The following DPP6 variants were observed in gnomAD, a reference collection of about 807,000 sequenced individuals.
The protein encoded by DPP6 is dipeptidyl peptidase like 6, also known as A-type potassium channel modulatory protein DPP6.
DPP6 carries 69 observed loss-of-function variants against 122.6 expected under a neutral mutation model. The observed-to-expected ratio is 0.56, with a 90% CI of 0.46 to 0.69. The LOEUF is 0.69. DPP6 is among the 30% of genes least tolerant of loss of function. DPP6 has a pLI of 0.00. For missense variants in DPP6, 928 were observed against 1,116.9 expected (o/e 0.83, Z 2.41); for synonymous variants, 418 against 433.1 (o/e 0.97, Z 0.43).
At chr7:154,283,222 G>C (rs1804641509) in intron 1 of DPP6, among the ~76,000 whole-genome samples, 2 of 152,148 alleles carry the variant, frequency 1.3e-5, no homozygotes, top group Admixed American at 6.5e-5. Context: ...GAAGCGAGTA[G>C]AGGCTGTAAG....
At chr7:153,758,359 A>C in the DPP6 span, among the ~76,000 whole-genome samples, 1 of 152,240 alleles carries the variant, frequency 6.6e-6, no homozygotes, top group Non-Finnish European at 1.5e-5. Context: ...TAATAAGTAC[A>C]TTGAGGTATA....
At chr7:153,954,134 C>T (rs1802346855) in intron 1 of DPP6, among the ~76,000 whole-genome samples, 1 of 152,204 alleles carries the variant, frequency 6.6e-6, no homozygotes, top group African/African-American at 2.4e-5. Flanking sequence ...GACCAAACAG[C>T]TGGGCACCAT....
At position 154,727,888 on chromosome 7, in the gene DPP6, G is replaced by T; in HGVS notation, c.883+1G>T. 1 of 1,609,160 alleles carries T rather than the reference G, an allele frequency of 6.2e-7. No homozygotes were observed. Among genetic ancestry groups the T allele is most frequent in the Non-Finnish European group, 8.5e-7 (1 of 1,177,404 alleles). ...GGCCTCAGTGACTGGCTGTATGAAG[G>T]TAAGATGTGCACAGAGAGAAAAAAG... On this transcript the variant is annotated splice_donor_variant, in intron 8 of 25. Transcript: ENST00000377770. LOFTEE classifies it high-confidence loss of function.
chr7:154,059,853 G>A lies in DPP6; in HGVS notation c.243+6790G>A, dbSNP rs554222415. 1.3e-4 allele frequency among the ~76,000 whole-genome samples: 20 copies of A among 151,214 alleles called. No individual in the cohort carries two copies. The East Asian group carries it at 1.4e-3, about 10-fold the overall frequency. On this transcript the variant is annotated intron_variant, in intron 1 of 25. Transcript: ENST00000377770. Reference sequence around the variant, plus strand: ...AAACAACTAGACAGGGTTGCTAAAGGATGGCCCCCCTATTTGACGGCCTTG... The same window carrying A: ...AAACAACTAGACAGGGTTGCTAAAGAATGGCCCCCCTATTTGACGGCCTTG...
chr7:154,308,483 G>T (rs1019242890), intron 1 of DPP6, among the ~76,000 whole-genome samples: 6 of 152,168 alleles, frequency 3.9e-5, no homozygotes, highest in Non-Finnish European at 7.4e-5. Flanking sequence ...ACCCAGAGAT[G>T]TTTGGAAGCA....
At chr7:154,511,578 C>T (rs6964455) in intron 3 of DPP6, among the ~76,000 whole-genome samples, 6 of 151,940 alleles carry the variant, frequency 3.9e-5, no homozygotes, top group Non-Finnish European at 7.4e-5. Context: ...AATGAGAAAG[C>T]AGCTGAAAGA....
chr7:154,883,571 C>T (rs1393895408), intron 21 of DPP6: 1 of 80,210 alleles, frequency 1.2e-5, no homozygotes, highest in African/African-American at 4.8e-5. Context: ...CATACACATA[C>T]ATGCTCACCC....
chr7:154,210,788 T>G (rs1799696823), intron 1 of DPP6, among the ~76,000 whole-genome samples: 1 of 151,296 alleles, frequency 6.6e-6, no homozygotes, highest in Admixed American at 6.6e-5. Flanking sequence ...AAGAGCAAGT[T>G]ATCTATGAGG....
At chr7:154,507,619 A>C (rs941445615) in intron 3 of DPP6, among the ~76,000 whole-genome samples, 23 of 152,194 alleles carry the variant, frequency 1.5e-4, no homozygotes, top group African/African-American at 5.3e-4. Flanking sequence ...TGATGTGAAC[A>C]TAAGTCAGTT....
At chr7:153,913,113 C>A (rs757744841) in intron 1 of DPP6, among the ~76,000 whole-genome samples, 1 of 152,168 alleles carries the variant, frequency 6.6e-6, no homozygotes, top group African/African-American at 2.4e-5. Flanking sequence ...CTCACTCTGT[C>A]GCCCAGACTG....
chr7:153,914,766 A>G (rs1157934319), intron 1 of DPP6, among the ~76,000 whole-genome samples: 2 of 152,160 alleles, frequency 1.3e-5, no homozygotes, highest in Non-Finnish European at 2.9e-5. Flanking sequence ...TTTGTTCTTT[A>G]TTCCACAGGG....
At chr7:154,525,754 G>GT (rs3057500) in intron 3 of DPP6, among the ~76,000 whole-genome samples, 14,789 of 146,332 alleles carry the variant, frequency 0.1, 782 homozygotes, top group Middle Eastern at 0.12. Context: ...GTTTTGTTGT[G>GT]TTTTTTTTTT....
At chr7:153,964,939 T>TTTCTTTCTTTCC (rs1491490280) in intron 1 of DPP6, among the ~76,000 whole-genome samples, 1 of 110,786 alleles carries the variant, frequency 9.0e-6, no homozygotes, top group Non-Finnish European at 1.8e-5. Context: ...TCTTTCTTTC[T>TTTCTTTCTTTCC]TTTTCTTTCT....
intron 10 of DPP6, among the ~76,000 whole-genome samples, chr7:154,779,500 A>C (rs1265339251): frequency 6.6e-6 from 1 of 152,142 alleles, no homozygotes; most frequent in East Asian, 1.9e-4. Flanking sequence ...TGACTTGCCT[A>C]TGGTTGCACT....
Position 154,769,573 on chromosome 7 carries a change from T to C in DPP6, c.1038+2T>C. The C allele has an allele frequency of 6.3e-7, 1 of 1,595,590 alleles. No homozygotes were observed. The highest frequency in any genetic ancestry group is 8.6e-7 in the Non-Finnish European group (1 of 1,168,690). Reference sequence around the variant, plus strand: ...GTGAAGCCCTACCACTATCCCAAGGTAGGCAAAGGGACACCGCACAGCAAA... The same window carrying C: ...GTGAAGCCCTACCACTATCCCAAGGCAGGCAAAGGGACACCGCACAGCAAA... On this transcript the variant is annotated splice_donor_variant, in intron 9 of 25. Transcript: ENST00000377770. LOFTEE classifies it high-confidence loss of function.
At chr7:154,203,741 G>A (rs1036838167) in intron 1 of DPP6, among the ~76,000 whole-genome samples, 1 of 152,188 alleles carries the variant, frequency 6.6e-6, no homozygotes, top group African/African-American at 2.4e-5. Flanking sequence ...GATCTGTGAG[G>A]CCGTAGTGCA....
intron 8 of DPP6, among the ~76,000 whole-genome samples, chr7:154,728,473 C>G: frequency 6.6e-6 from 1 of 152,220 alleles, no homozygotes; most frequent in Non-Finnish European, 1.5e-5. Flanking sequence ...GGGAAGCTCT[C>G]TTCTTAAACT....
chr7:154,340,896 C>T (rs1263003417), intron 1 of DPP6, among the ~76,000 whole-genome samples: 2 of 152,164 alleles, frequency 1.3e-5, no homozygotes, highest in African/African-American at 2.4e-5. Flanking sequence ...CCTGGCGCTG[C>T]TCTTTTTGGC....
chr7:154,531,368 G>A (rs923719897), intron 3 of DPP6, among the ~76,000 whole-genome samples: 3 of 152,036 alleles, frequency 2.0e-5, no homozygotes, highest in Non-Finnish European at 4.4e-5. Flanking sequence ...GTGGAACAGA[G>A]TTTCAAAATG....
Sources: allele counts gnomAD v4.1 joint callset (sites outside exome capture counted in the v4.1 genomes callset), GRCh38; gene constraint gnomAD v4.1.1; transcripts MANE v1.5; gene names NCBI Gene and HGNC (gene_info 2026-07-23, HGNC 2026-07-21).